Variants in MICU3 observed in about 807,000 individuals in gnomAD.
MICU3 encodes mitochondrial calcium uptake 3, also known as calcium uptake protein 3, mitochondrial.
In MICU3, 62 loss-of-function variants were observed where a neutral mutation model predicts 66.5. That is an observed-to-expected ratio of 0.93 (90% CI 0.76 to 1.15). The LOEUF is 1.15. Ranked by LOEUF, MICU3 falls within the 50% of genes most tolerant of loss-of-function variation. The probability of loss-of-function intolerance (pLI) is 0.00; values close to 1 mark genes in which losing one functional copy is unlikely to be tolerated. For synonymous variants in MICU3, 308 were observed against 240.7 expected, an observed-to-expected ratio of 1.28 and a Z score of -2.59; for missense variants, 779 against 664.4, an observed-to-expected ratio of 1.17 and a Z score of -1.90.
chr8:17,060,715 G>A (rs571913751), intron 1 of MICU3, among the ~76,000 whole-genome samples: 6 of 152,248 alleles, frequency 3.9e-5, no homozygotes, highest in Admixed American at 3.3e-4. Flanking sequence ...AATGGAGGAA[G>A]CAACCAGTTG....
intron 1 of MICU3, among the ~76,000 whole-genome samples, chr8:17,047,824 G>C (rs1235692807): frequency 6.6e-6 from 1 of 152,140 alleles, no homozygotes; most frequent in Non-Finnish European, 1.5e-5. Flanking sequence ...TGCATATCAG[G>C]AAGAAATGAA....
At chr8:17,028,206 G>T (rs564009697) in intron 1 of MICU3, among the ~76,000 whole-genome samples, 2 of 152,262 alleles carry the variant, frequency 1.3e-5, no homozygotes, top group African/African-American at 4.8e-5. Context: ...GGTCTGAAAA[G>T]AAATAAAAAA....
the MICU3 span, among the ~76,000 whole-genome samples, chr8:17,133,543 C>A: frequency 2.3e-3 from 357 of 152,080 alleles, 2 homozygotes; most frequent in African/African-American, 8.0e-3. Flanking sequence ...TGGATGTGAT[C>A]TTTTTAGTTG....
the MICU3 span, chr8:17,132,678 A>G: frequency 6.6e-6 from 1 of 152,204 alleles, no homozygotes; most frequent in Admixed American, 6.5e-5. Context: ...CAGTGGAACC[A>G]TTGTGTCTCA....
At chr8:17,030,998 C>T (rs903725391) in intron 1 of MICU3, among the ~76,000 whole-genome samples, 3 of 151,928 alleles carry the variant, frequency 2.0e-5, no homozygotes, top group African/African-American at 7.3e-5. Flanking sequence ...TACTCCTTTA[C>T]TGTGAATTTA....
At chr8:17,093,252 A>T (rs1048236302) in intron 8 of MICU3, among the ~76,000 whole-genome samples, 2 of 152,070 alleles carry the variant, frequency 1.3e-5, no homozygotes, top group African/African-American at 4.8e-5. Context: ...AAATAATGCC[A>T]AAAGCCAAGT....
At position 17,087,806 on chromosome 8, in the gene MICU3, G is replaced by A. The variant is rs568294837; in HGVS notation, c.849+771G>A. ...AGCCAAAGATTTGAACCTGTGTCTG[G>A]CCAACTCCAAAACCTCACTTTTATC... On this transcript the variant is annotated intron_variant, in intron 7 of 14. Transcript: ENST00000318063. Among the ~76,000 whole-genome samples the A allele has an allele frequency of 2.4e-4, 36 of 152,044 alleles. 1 individual carries two copies. The South Asian group carries it at 7.3e-3, about 31-fold the overall frequency.
At chr8:17,050,361 A>G (rs1815856888) in intron 1 of MICU3, among the ~76,000 whole-genome samples, 1 of 151,812 alleles carries the variant, frequency 6.6e-6, no homozygotes, top group Non-Finnish European at 1.5e-5. Flanking sequence ...ATACATATTG[A>G]CACATGTACT....
At chr8:17,123,983 T>C (rs1234080114), downstream of MICU3, among the ~76,000 whole-genome samples, 1 of 151,348 alleles carries the variant, frequency 6.6e-6, no homozygotes, top group Admixed American at 6.6e-5. Context: ...CCCTCTGTTG[T>C]GCTTCTCAGA....
intron 1 of MICU3, among the ~76,000 whole-genome samples, chr8:17,058,115 A>G (rs1165122357): frequency 2.0e-5 from 3 of 152,002 alleles, no homozygotes; most frequent in African/African-American, 7.3e-5. Context: ...CTCCAAAAGT[A>G]CCCTATTGAC....
downstream of MICU3, among the ~76,000 whole-genome samples, chr8:17,126,261 C>G (rs1027076470): frequency 2.0e-5 from 3 of 152,080 alleles, no homozygotes; most frequent in Admixed American, 2.0e-4. Context: ...CTGCCACTTT[C>G]AAGGTGTCTC....
chr8:17,035,579 C>G (rs926279158), intron 1 of MICU3, among the ~76,000 whole-genome samples: 4 of 152,104 alleles, frequency 2.6e-5, no homozygotes, highest in African/African-American at 4.8e-5. Context: ...TGTCCCTGCC[C>G]TAGAGATTTG....
At chr8:17,063,120 G>A (rs28615696) in intron 1 of MICU3, among the ~76,000 whole-genome samples, 11,531 of 152,048 alleles carry the variant, frequency 0.076, 1,505 homozygotes, top group African/African-American at 0.26. Context: ...TAAGTAAAAA[G>A]GTCAGATTAC....
chr8:17,027,644 C>T lies in MICU3; in HGVS notation c.365C>T (p.Ala122Val), dbSNP rs903914752. 7.7e-7 allele frequency: 1 copy of T among 1,301,896 alleles called. No individual in the cohort carries two copies. The highest frequency in any genetic ancestry group is 2.3e-5 in the South Asian group (1 of 42,840). 80.6% of individuals were successfully genotyped at this position (1,301,896 alleles called of 1,614,324 possible). ...RGRGMLPIPV[A>V]AAKETVAIGR... ...CGGGGGATGCTGCCCATCCCAGTGGCGGCTGCCAAGGAGACGGTGAGTGCG... is the reference window on the plus strand; with the variant it reads ...CGGGGGATGCTGCCCATCCCAGTGGTGGCTGCCAAGGAGACGGTGAGTGCG... Residue 122 changes from alanine to valine, a missense_variant, in exon 1 of 15, where the codon GCG (alanine) becomes GTG (valine). Ala to Val is a moderately conservative substitution (Grantham distance 64, BLOSUM62 0). Coordinates refer to ENST00000318063, the MANE Select transcript of MICU3 (RefSeq NM_181723.3).
intron 8 of MICU3, among the ~76,000 whole-genome samples, chr8:17,096,243 C>G (rs369708486): frequency 9.2e-5 from 14 of 151,976 alleles, no homozygotes; most frequent in South Asian, 6.2e-4. Flanking sequence ...TCTCTGTCAG[C>G]CTTTCCTTAC....
At position 17,122,293 on chromosome 8, in the gene MICU3, C is replaced by T. The variant is rs2150849521; in HGVS notation, c.*2006C>T. 6.6e-6 allele frequency: 1 copy of T among 151,780 alleles called. No homozygotes were observed. The highest frequency in any genetic ancestry group is 2.4e-5 in the African/African-American group (1 of 41,496). The allele number at this position is 151,780 out of a possible 1,614,324, so 9.4% of individuals were successfully genotyped here. On this transcript the variant is annotated 3_prime_UTR_variant, in exon 15 of 15. Transcript: ENST00000318063. ...TATTATCACTCTTGAATTTTATCAT[C>T]TATAAAATGAGAGATAAAAATATCT...
At chr8:17,131,584 G>C in the MICU3 span, 1 of 152,372 alleles carries the variant, frequency 6.6e-6, no homozygotes, top group South Asian at 2.1e-4. Flanking sequence ...GCAGTGACTT[G>C]GTTTGGTGTG....
At chr8:17,071,775 C>T (rs970161946) in intron 3 of MICU3, among the ~76,000 whole-genome samples, 5 of 151,722 alleles carry the variant, frequency 3.3e-5, no homozygotes, top group African/African-American at 4.8e-5. Context: ...TCCACACCAG[C>T]GAGAGCAATT....
chr8:17,043,951 A>G (rs1814639354), intron 1 of MICU3, among the ~76,000 whole-genome samples: 1 of 152,230 alleles, frequency 6.6e-6, no homozygotes, highest in Admixed American at 6.5e-5. Context: ...ACTATGAAAA[A>G]TATCCCACAT....
Sources: allele counts gnomAD v4.1 joint callset (sites outside exome capture counted in the v4.1 genomes callset), GRCh38; gene constraint gnomAD v4.1.1; transcripts MANE v1.5; gene names NCBI Gene and HGNC (gene_info 2026-07-23, HGNC 2026-07-21).